Variants in SPEF2 observed in about 807,000 individuals in gnomAD.
SPEF2 encodes the protein sperm flagellar and cilia associated 2.
A neutral mutation model predicts 224.6 loss-of-function variants in SPEF2; 187 were observed. That is an observed-to-expected ratio of 0.83 (90% confidence interval 0.74 to 0.94). The LOEUF is 0.94. SPEF2 is among the 40% of genes least tolerant of loss of function. The pLI is 0.00. For synonymous variants in SPEF2, 715 were observed against 707.3 expected, an observed-to-expected ratio of 1.01 and a Z score of -0.17; for missense variants, 2,170 against 2,135.6, an observed-to-expected ratio of 1.02 and a Z score of -0.32.
At chr5:35,739,032 C>T (rs572819401) in intron 21 of SPEF2, among the ~76,000 whole-genome samples, 58 of 152,224 alleles carry the variant, frequency 3.8e-4, no homozygotes, top group African/African-American at 1.3e-3. Flanking sequence ...ACTGATACCT[C>T]GTCTTTCTCA....
intron 30 of SPEF2, among the ~76,000 whole-genome samples, chr5:35,782,797 A>G (rs1051932982): frequency 1.3e-5 from 2 of 152,188 alleles, no homozygotes; most frequent in African/African-American, 4.8e-5. Context: ...AAAGCATCAT[A>G]TATTGTAACA....
chr5:35,726,711 C>T (rs1744706047), intron 20 of SPEF2, among the ~76,000 whole-genome samples: 1 of 152,162 alleles, frequency 6.6e-6, no homozygotes, highest in South Asian at 2.1e-4. Context: ...CCTGGTTCTA[C>T]AGGTGTCTGT....
intron 19 of SPEF2, among the ~76,000 whole-genome samples, chr5:35,711,375 C>T (rs190808910): frequency 6.6e-6 from 1 of 151,582 alleles, no homozygotes; most frequent in Non-Finnish European, 1.5e-5. Context: ...AAAAATTGTT[C>T]TATATTTTAT....
At chr5:35,653,237 A>G (rs1393268885) in intron 6 of SPEF2, among the ~76,000 whole-genome samples, 1 of 152,216 alleles carries the variant, frequency 6.6e-6, no homozygotes, top group Admixed American at 6.5e-5. Flanking sequence ...GACATGAGAT[A>G]GGACAAGAGC....
intron 18 of SPEF2, among the ~76,000 whole-genome samples, chr5:35,707,022 A>G (rs544408479): frequency 6.6e-6 from 1 of 152,326 alleles, no homozygotes; most frequent in East Asian, 1.9e-4. Flanking sequence ...TTTGCATTCT[A>G]ATATTCACTG....
At chr5:35,814,027 C>T (rs1325469630) in intron 36 of SPEF2, among the ~76,000 whole-genome samples, 1 of 152,166 alleles carries the variant, frequency 6.6e-6, no homozygotes, top group African/African-American at 2.4e-5. Flanking sequence ...GAGACAATTT[C>T]AGGAAAGTAA....
At chr5:35,678,557 G>C (rs1013936412) in intron 10 of SPEF2, 5 of 152,254 alleles carry the variant, frequency 3.3e-5, no homozygotes, top group African/African-American at 1.2e-4. Flanking sequence ...AGAAAGATGT[G>C]TCCGGGTAGC....
chr5:35,687,325 C>G (rs1753767672), intron 10 of SPEF2, among the ~76,000 whole-genome samples: 1 of 152,084 alleles, frequency 6.6e-6, no homozygotes, highest in African/African-American at 2.4e-5. Flanking sequence ...AATATTCTGT[C>G]CCTGCAACTC....
rs77336372 is a variant in SPEF2 at position 35,697,628 on chromosome 5, A to G, written c.2038-62A>G. ...TGGTCATTTAATTAACTTTTCCTCCAAATGTTTGGAATTTGACTTTTAAAT... is the reference window on the plus strand; with the variant it reads ...TGGTCATTTAATTAACTTTTCCTCCGAATGTTTGGAATTTGACTTTTAAAT... On this transcript the variant is annotated intron_variant, in intron 14 of 36. Coordinates refer to ENST00000356031, the MANE Select transcript of SPEF2 (RefSeq NM_024867.4). The G allele has an allele frequency of 1.7e-3, 2,360 of 1,364,300 alleles. 28 individuals are homozygous for G. The African/African-American group carries it at 0.031, about 18-fold the overall frequency. 84.5% of individuals were successfully genotyped at this position (1,364,300 alleles called of 1,614,324 possible).
At chr5:35,801,855 G>A (rs1425320806) in intron 34 of SPEF2, among the ~76,000 whole-genome samples, 1 of 152,196 alleles carries the variant, frequency 6.6e-6, no homozygotes, top group South Asian at 2.1e-4. Context: ...GTGGGGAGGA[G>A]GCATCTGTTT....
At chr5:35,785,645 C>CA (rs574825960) in intron 30 of SPEF2, among the ~76,000 whole-genome samples, 1 of 151,548 alleles carries the variant, frequency 6.6e-6, no homozygotes, top group South Asian at 2.1e-4. Context: ...AACCCCCCCC[C>CA]ACCTCAGCCT....
At position 35,649,415 on chromosome 5, in the gene SPEF2, G is replaced by C. The variant is rs1474946056; in HGVS notation, c.781G>C (p.Ala261Pro). 2 of 1,611,036 alleles carry C rather than the reference G, an allele frequency of 1.2e-6. No homozygotes were observed. Among genetic ancestry groups the C allele is most frequent in the Non-Finnish European group, 1.7e-6 (2 of 1,178,806 alleles). Residue 261 changes from alanine to proline, a missense_variant, in exon 6 of 37, where the codon GCA becomes CCA. Transcript: ENST00000356031. Reference sequence around the variant, plus strand: ...AGCATTAATAAAAAAGGATCTCCAAGCAAAAGAAAGGTGAGATGTGAGCTA... The same window carrying C: ...AGCATTAATAAAAAAGGATCTCCAACCAAAAGAAAGGTGAGATGTGAGCTA... The part of the protein sequence containing the change: ...FEALIKKDLQ[A>P]KESASKTSLD...
chr5:35,662,488 A>G (rs146806451), intron 8 of SPEF2, among the ~76,000 whole-genome samples: 1,633 of 152,300 alleles, frequency 0.011, 9 homozygotes, highest in Non-Finnish European at 0.017. Context: ...CATCTTCATC[A>G]TGAAATCTTT....
intron 8 of SPEF2, among the ~76,000 whole-genome samples, chr5:35,664,180 A>G (rs1405960078): frequency 6.6e-6 from 1 of 151,866 alleles, no homozygotes; most frequent in Non-Finnish European, 1.5e-5. Context: ...GTGTGTAATT[A>G]TACATGTATT....
intron 35 of SPEF2, 24 bp from the exon 36 acceptor site, chr5:35,807,107 C>G: frequency 6.3e-7 from 1 of 1,597,562 alleles, no homozygotes; most frequent in Non-Finnish European, 8.5e-7. Flanking sequence ...GGTTGATTAA[C>G]TTCATTTTTT....
At chr5:35,699,797 C>T (rs914346757) in intron 15 of SPEF2, 2 of 152,400 alleles carry the variant, frequency 1.3e-5, no homozygotes, top group Admixed American at 1.3e-4. Context: ...AGTTCATACT[C>T]ATATAACATT....
At chr5:35,799,883 C>G in intron 33 of SPEF2, 85 bp from the exon 34 acceptor site, 1 of 1,468,428 alleles carries the variant, frequency 6.8e-7, no homozygotes, top group South Asian at 1.3e-5. Flanking sequence ...TATTCCAAAG[C>G]TCCTGGGGAG....
intron 25 of SPEF2, 78 bp downstream of exon 25, chr5:35,759,797 A>C: frequency 7.6e-7 from 1 of 1,311,336 alleles, no homozygotes; most frequent in Non-Finnish European, 1.0e-6. Flanking sequence ...ACCACTAATA[A>C]AAATCACACT....
chr5:35,642,585 G>A (rs1415262571), intron 3 of SPEF2, among the ~76,000 whole-genome samples: 1 of 152,166 alleles, frequency 6.6e-6, no homozygotes, highest in Non-Finnish European at 1.5e-5. Flanking sequence ...AATGTTGTAA[G>A]TACTCATTAA....
Sources: allele counts gnomAD v4.1 joint callset (sites outside exome capture counted in the v4.1 genomes callset), GRCh38; gene constraint gnomAD v4.1.1; transcripts MANE v1.5; gene names NCBI Gene and HGNC (gene_info 2026-07-23, HGNC 2026-07-21).